AUTS2: variants seen among roughly 807,000 people sequenced by gnomAD.
AUTS2 encodes activator of transcription and developmental regulator AUTS2.
AUTS2 carries 17 observed loss-of-function variants against 112.4 expected under a neutral mutation model. The observed-to-expected ratio is 0.15, with a 90% CI of 0.10 to 0.23. AUTS2 has a LOEUF of 0.23. Among genes scored for constraint, AUTS2 ranks in the 10% least tolerant of loss-of-function variants. The probability of loss-of-function intolerance (pLI) is 1.00; values close to 1 mark genes in which losing one functional copy is unlikely to be tolerated. For synonymous variants in AUTS2, 751 were observed against 702.7 expected (o/e 1.07, Z -1.09); for missense variants, 1,510 against 1,701.6 (o/e 0.89, Z 1.98).
chr7:70,655,383 T>G (rs57029866), intron 5 of AUTS2, among the ~76,000 whole-genome samples: 4,770 of 152,296 alleles, frequency 0.031, 129 homozygotes, highest in East Asian at 0.086. Flanking sequence ...GGAGAAAGCA[T>G]GTTGTAGAGG....
intron 2 of AUTS2, among the ~76,000 whole-genome samples, chr7:70,068,094 T>C (rs527850080): frequency 1.3e-5 from 2 of 152,136 alleles, no homozygotes; most frequent in South Asian, 4.2e-4. Context: ...CAAGAATGAA[T>C]TGAAAACAGA....
rs577552877 is a variant in AUTS2 at position 70,714,055 on chromosome 7, A to G, written c.742+15435A>G. On this transcript the variant is annotated intron_variant, in intron 6 of 18. Transcript: ENST00000342771. ...TGTGTGATCTACATGGGTTAAATTT[A>G]AATGCCTTTTTCAATAGGGAATATT... 2.6e-5 allele frequency among the ~76,000 whole-genome samples: 4 copies of G among 152,308 alleles called. No individual in the cohort carries two copies. The South Asian group carries it at 8.3e-4, about 32-fold the overall frequency.
In AUTS2 at chr7:70,241,842, T is replaced by C. The variant is rs79495389; in HGVS notation, c.660+107271T>C. 2.9e-3 allele frequency among the ~76,000 whole-genome samples: 447 copies of C among 152,352 alleles called. 5 individuals are homozygous for C. Among genetic ancestry groups the C allele is most frequent in the African/African-American group, 0.01 (431 of 41,580 alleles). ...TTTGATTTACAGAGAAATGCTGTTC[T>C]AACACACCTGCATTAAACCAGTGCC... On this transcript the variant is annotated intron_variant, in intron 4 of 18. Coordinates refer to ENST00000342771, the MANE Select transcript of AUTS2 (RefSeq NM_015570.4).
rs572445391 is a variant in AUTS2 at position 70,631,022 on chromosome 7, G to A, written c.691-67547G>A. ...TTAATGAAGAAGATAAAGCGGCCCG[G>A]CTGGTGTCCCACAGGCTCGGCGCAG... On this transcript the variant is annotated intron_variant, in intron 5 of 18. Transcript: ENST00000342771. This position sits in a 1 kb window ranked among gnomAD's most constrained non-coding sequence, Gnocchi z 4.5. 2.2e-4 allele frequency among the ~76,000 whole-genome samples: 34 copies of A among 152,196 alleles called. 1 individual carries two copies. In the South Asian group the frequency reaches 6.9e-3, roughly 31 times the overall value.
intron 1 of AUTS2, among the ~76,000 whole-genome samples, chr7:69,689,952 CA>C (rs1475284470): frequency 6.0e-5 from 9 of 150,576 alleles, no homozygotes; most frequent in Middle Eastern, 7.1e-3. Context: ...CTTGGCCTCC[CA>C]AAGTGCTGGG....
intron 4 of AUTS2, among the ~76,000 whole-genome samples, chr7:70,157,902 G>A (rs976604199): frequency 1.3e-5 from 2 of 152,194 alleles, no homozygotes; most frequent in Non-Finnish European, 2.9e-5. Context: ...GGGAGGAGAG[G>A]TGACTTTGGA....
At chr7:70,510,723 AT>A (rs1167157670) in intron 5 of AUTS2, among the ~76,000 whole-genome samples, 1 of 152,134 alleles carries the variant, frequency 6.6e-6, no homozygotes, top group Non-Finnish European at 1.5e-5. Flanking sequence ...AAACTCACTA[AT>A]TTTTTTGTTT....
intron 3 of AUTS2, among the ~76,000 whole-genome samples, chr7:70,123,033 G>A (rs1216833838): frequency 3.3e-5 from 5 of 151,872 alleles, no homozygotes; most frequent in South Asian, 2.1e-4. Flanking sequence ...TTGCCACCAC[G>A]CCCAGCTAAT....
intron 1 of AUTS2, among the ~76,000 whole-genome samples, chr7:69,759,485 T>G (rs1788076496): frequency 6.6e-6 from 1 of 152,154 alleles, no homozygotes; most frequent in South Asian, 2.1e-4. Flanking sequence ...CATAAAAGTT[T>G]CAGATTTTGG....
At position 70,309,452 on chromosome 7, in the gene AUTS2, AG is replaced by A. The variant is rs1789637328; in HGVS notation, c.661-126298del. On this transcript the variant is annotated intron_variant, in intron 4 of 18. Coordinates refer to ENST00000342771, the MANE Select transcript of AUTS2 (RefSeq NM_015570.4). ...TAACATTTTGGTCCAAATCCTATAA[AG>A]GTTTCTCACATAGAAAGCTGCCTTT... Among the ~76,000 whole-genome samples the A allele has an allele frequency of 4.6e-5, 7 of 152,330 alleles. No individual in the cohort carries two copies. The South Asian group carries it at 1.4e-3, about 32-fold the overall frequency.
In AUTS2 at chr7:70,777,834, T is replaced by TTTA. The variant is rs1387447076; in HGVS notation, c.2004+660_2004+661insTTA. Among the ~76,000 whole-genome samples, 8 of 152,362 alleles carry TTTA rather than the reference T, an allele frequency of 5.3e-5. 1 individual carries two copies. Among genetic ancestry groups the TTTA allele is most frequent in the Admixed American group, 1.3e-4 (2 of 15,298 alleles). On this transcript the variant is annotated intron_variant, in intron 14 of 18. Coordinates refer to ENST00000342771, the MANE Select transcript of AUTS2 (RefSeq NM_015570.4). The stretch of plus-strand genomic sequence containing the variant: ...CCAAGAATTAGAATACAGAAAATAC[T>TTTA]CTGCATCTGGGAAGAGCTACAAATG...
intron 4 of AUTS2, among the ~76,000 whole-genome samples, chr7:70,388,585 T>G (rs1793714921): frequency 6.6e-6 from 1 of 152,244 alleles, no homozygotes; most frequent in Admixed American, 6.5e-5. Context: ...AAACCTGCCA[T>G]CATCTTCATA....
chr7:70,594,592 G>A (rs947002091), intron 5 of AUTS2, among the ~76,000 whole-genome samples: 5 of 152,308 alleles, frequency 3.3e-5, no homozygotes, highest in African/African-American at 1.2e-4. Context: ...CCAGGGAGAG[G>A]CTTAGCAGCT....
intron 6 of AUTS2, among the ~76,000 whole-genome samples, chr7:70,752,145 G>A (rs1320190063): frequency 5.3e-5 from 8 of 152,128 alleles, no homozygotes; most frequent in Non-Finnish European, 8.8e-5. Context: ...GCTAAGAATC[G>A]CGGAAGGAGT....
chr7:70,268,824 T>C (rs1180128441), intron 4 of AUTS2, among the ~76,000 whole-genome samples: 1 of 152,184 alleles, frequency 6.6e-6, no homozygotes, highest in Non-Finnish European at 1.5e-5. Context: ...TCAGATCTCA[T>C]GGAGTGAAAT....
chr7:70,414,976 G>A (rs1223988111), intron 4 of AUTS2, among the ~76,000 whole-genome samples: 1 of 152,212 alleles, frequency 6.6e-6, no homozygotes, highest in Non-Finnish European at 1.5e-5. Flanking sequence ...AGAGCTCACT[G>A]TTTGGGACTG....
intron 2 of AUTS2, among the ~76,000 whole-genome samples, chr7:70,100,261 C>G (rs1447966205): frequency 6.6e-6 from 1 of 152,154 alleles, no homozygotes; most frequent in African/African-American, 2.4e-5. Flanking sequence ...TTATAACCAT[C>G]TTTGCACAAA....
At chr7:70,346,729 T>C (rs1464942617) in intron 4 of AUTS2, among the ~76,000 whole-genome samples, 1 of 152,156 alleles carries the variant, frequency 6.6e-6, no homozygotes, top group Admixed American at 6.5e-5. Context: ...ATTTTTATAA[T>C]CACCGAACTT....
intron 1 of AUTS2, among the ~76,000 whole-genome samples, chr7:69,709,650 G>C (rs1479938063): frequency 6.6e-6 from 1 of 152,164 alleles, no homozygotes; most frequent in Non-Finnish European, 1.5e-5. Flanking sequence ...AGGTACTTTT[G>C]TTTATGCTCT....
Sources: allele counts gnomAD v4.1 joint callset (sites outside exome capture counted in the v4.1 genomes callset), GRCh38; gene constraint gnomAD v4.1.1; non-coding constraint Gnocchi (gnomAD v3.1); transcripts MANE v1.5; gene names NCBI Gene and HGNC (gene_info 2026-07-23, HGNC 2026-07-21).